The following GALNTL6 variants were observed in gnomAD, a reference collection of about 807,000 sequenced individuals.
The protein encoded by GALNTL6 is polypeptide N-acetylgalactosaminyltransferase-like 6.
In GALNTL6, 46 loss-of-function variants were observed where a neutral mutation model predicts 73.7. The ratio of observed to expected loss-of-function variants is 0.62; its 90% CI spans 0.49 to 0.80. The LOEUF is 0.80. GALNTL6 is among the 30% of genes least tolerant of loss of function. GALNTL6 has a pLI of 0.00. For missense variants in GALNTL6, 604 were observed against 755.0 expected (o/e 0.80, Z 2.34); for synonymous variants, 259 against 263.7 (o/e 0.98, Z 0.17).
intron 2 of GALNTL6, chr4:172,052,452 C>T (rs1730903237): frequency 1.3e-6 from 2 of 1,534,858 alleles, no homozygotes; most frequent in Non-Finnish European, 8.7e-7. Context: ...CAGATGAGAG[C>T]CAAGTTCAGA....
chr4:172,279,694 A>G (rs1164847358), intron 3 of GALNTL6, among the ~76,000 whole-genome samples: 1 of 152,168 alleles, frequency 6.6e-6, no homozygotes, highest in African/African-American at 2.4e-5. Context: ...ATAGAATGCA[A>G]TTGCTATATA....
At chr4:172,798,420 T>A (rs1697475266) in intron 5 of GALNTL6, among the ~76,000 whole-genome samples, 1 of 152,156 alleles carries the variant, frequency 6.6e-6, no homozygotes, top group African/African-American at 2.4e-5. Flanking sequence ...TCAAAGTGTG[T>A]AGCACCTTCC....
intron 2 of GALNTL6, among the ~76,000 whole-genome samples, chr4:171,863,318 C>T (rs1459795403): frequency 1.3e-5 from 2 of 152,066 alleles, no homozygotes; most frequent in Non-Finnish European, 2.9e-5. Context: ...CTATTGTAGA[C>T]CTCTGTGTTT....
chr4:172,830,233 G>A (rs1742548056), intron 7 of GALNTL6, among the ~76,000 whole-genome samples: 1 of 152,056 alleles, frequency 6.6e-6, no homozygotes, highest in Admixed American at 6.6e-5. Context: ...TATAATCAGG[G>A]CCAAACTTTA....
chr4:172,480,580 T>C (rs1413492557), intron 5 of GALNTL6, among the ~76,000 whole-genome samples: 1 of 152,230 alleles, frequency 6.6e-6, no homozygotes, highest in Non-Finnish European at 1.5e-5. Flanking sequence ...CTAAAGTCAC[T>C]GGTTTTTTTG....
chr4:172,541,000 T>C (rs1444130454), intron 5 of GALNTL6, among the ~76,000 whole-genome samples: 1 of 152,176 alleles, frequency 6.6e-6, no homozygotes, highest in African/African-American at 2.4e-5. Context: ...TCTCAACAGA[T>C]GCAAATTTCC....
chr4:171,888,331 G>C (rs968887307), intron 2 of GALNTL6, among the ~76,000 whole-genome samples: 1 of 150,418 alleles, frequency 6.6e-6, no homozygotes, highest in Non-Finnish European at 1.5e-5. Context: ...CAGCAACAGT[G>C]ATAGCTTCTG....
chr4:172,676,649 C>T (rs892938302), intron 5 of GALNTL6, among the ~76,000 whole-genome samples: 1 of 152,186 alleles, frequency 6.6e-6, no homozygotes, highest in Non-Finnish European at 1.5e-5. Context: ...AGGCACTATT[C>T]TCCACATGAC....
At chr4:172,253,857 A>G (rs978601101) in intron 3 of GALNTL6, among the ~76,000 whole-genome samples, 3 of 151,938 alleles carry the variant, frequency 2.0e-5, no homozygotes, top group African/African-American at 7.2e-5. Context: ...TTTAGAAGCT[A>G]GCAGAGATAA....
chr4:172,869,141 T>G (rs987726136), intron 7 of GALNTL6, among the ~76,000 whole-genome samples: 10 of 152,136 alleles, frequency 6.6e-5, no homozygotes, highest in African/African-American at 2.4e-4. Flanking sequence ...GCAGAAAGTG[T>G]GGGTGGATAA....
rs35211293 is a variant in GALNTL6 at position 172,134,479 on chromosome 4, A to C, written c.139-95177A>C. On this transcript the variant is annotated intron_variant, in intron 2 of 12. Transcript: ENST00000506823. ...TAATGACCTACTGGATAAAGATATA[A>C]GAAAAATAGGAATGTAGAATGGTTT... 2.6e-3 allele frequency among the ~76,000 whole-genome samples: 402 copies of C among 152,290 alleles called. 2 individuals carry two copies. Among genetic ancestry groups the C allele is most frequent in the African/African-American group, 8.7e-3 (360 of 41,560 alleles).
chr4:172,166,883 T>G (rs1734641020), intron 2 of GALNTL6, among the ~76,000 whole-genome samples: 1 of 152,198 alleles, frequency 6.6e-6, no homozygotes, highest in Non-Finnish European at 1.5e-5. Context: ...TTGTTAGATG[T>G]TTGATTGTAG....
chr4:172,426,630 A>T (rs1579061030), intron 5 of GALNTL6, among the ~76,000 whole-genome samples: 1 of 152,160 alleles, frequency 6.6e-6, no homozygotes, highest in Non-Finnish European at 1.5e-5. Flanking sequence ...GAAATAAACA[A>T]GTTAGCAATT....
At chr4:172,703,247 G>C (rs548313686) in intron 5 of GALNTL6, among the ~76,000 whole-genome samples, 1 of 152,080 alleles carries the variant, frequency 6.6e-6, no homozygotes, top group South Asian at 2.1e-4. Flanking sequence ...TAAAAGTGGG[G>C]AAAGTGGACC....
chr4:171,950,821 G>C (rs1738856097), intron 2 of GALNTL6, among the ~76,000 whole-genome samples: 1 of 152,082 alleles, frequency 6.6e-6, no homozygotes, highest in Admixed American at 6.5e-5. Context: ...AATTATTTTA[G>C]ACTTGCTGAG....
intron 10 of GALNTL6, among the ~76,000 whole-genome samples, chr4:173,006,247 T>A (rs1170877995): frequency 6.6e-6 from 1 of 152,128 alleles, no homozygotes; most frequent in Admixed American, 6.5e-5. Flanking sequence ...GAGAGAAAAA[T>A]AGTGCCTTGA....
Position 172,968,258 on chromosome 4 carries a change from T to C in GALNTL6, c.1371+16000T>C, listed in dbSNP as rs144225148. Among the ~76,000 whole-genome samples, 777 of 152,188 alleles carry C rather than the reference T, an allele frequency of 5.1e-3. 5 individuals carry two copies. Among genetic ancestry groups the C allele is most frequent in the African/African-American group, 0.018 (745 of 41,508 alleles). On this transcript the variant is annotated intron_variant, in intron 10 of 12. Coordinates refer to ENST00000506823, the MANE Select transcript of GALNTL6 (RefSeq NM_001034845.3). ...ACTGCTACTTCTCCAAGAAGAGTAC[T>C]CAGAAATCAACAACAAGCATTCACG...
intron 5 of GALNTL6, among the ~76,000 whole-genome samples, chr4:172,633,259 C>T (rs760731067): frequency 6.6e-6 from 1 of 152,164 alleles, no homozygotes; most frequent in South Asian, 2.1e-4. Flanking sequence ...ACACTCAACA[C>T]CAGCAGCTGA....
chr4:172,624,801 T>G (rs1197431556), intron 5 of GALNTL6, among the ~76,000 whole-genome samples: 4 of 151,818 alleles, frequency 2.6e-5, no homozygotes, highest in South Asian at 4.1e-4. Flanking sequence ...ACCAGGTCTT[T>G]TTTTTCTTTT....
Sources: gnomAD v4.1 joint callset for allele counts (sites outside exome capture counted in the v4.1 genomes callset) on GRCh38, gnomAD v4.1.1 for gene constraint, MANE v1.5 for transcripts, NCBI Gene and HGNC (gene_info 2026-07-23, HGNC 2026-07-21) for gene names.